The following PIBF1 variants were observed in gnomAD, a reference collection of about 807,000 sequenced individuals.
PIBF1 encodes the protein progesterone-induced-blocking factor 1.
Under a neutral mutation model 112.5 loss-of-function variants are expected in PIBF1, and 90 were observed. That is an observed-to-expected ratio of 0.80 (90% CI 0.67 to 0.95). The LOEUF (loss-of-function observed/expected upper bound fraction) is 0.95. PIBF1 is among the 40% of genes least tolerant of loss of function. The probability of loss-of-function intolerance (pLI) is 0.00; values close to 1 mark genes in which losing one functional copy is unlikely to be tolerated. For missense variants in PIBF1, 915 were observed against 852.3 expected (o/e 1.07, Z -0.92); for synonymous variants, 301 against 288.6 (o/e 1.04, Z -0.44).
chr13:72,827,625 A>C, intron 7 of PIBF1, 108 bp from the exon 8 acceptor site: 1 of 665,090 alleles, frequency 1.5e-6, no homozygotes, highest in Non-Finnish European at 2.3e-6. Context: ...TTTAAAAGGA[A>C]AATTTTCATG....
intron 12 of PIBF1, among the ~76,000 whole-genome samples, chr13:72,911,027 T>G (rs1163676061): frequency 6.6e-6 from 1 of 151,986 alleles, no homozygotes; most frequent in Non-Finnish European, 1.5e-5. Flanking sequence ...TTGAAAAAAG[T>G]TGAAGCCCTG....
At chr13:72,979,009 A>G (rs1397624982) in intron 16 of PIBF1, among the ~76,000 whole-genome samples, 2 of 152,170 alleles carry the variant, frequency 1.3e-5, no homozygotes, top group South Asian at 4.1e-4. Flanking sequence ...AGCCTGGACA[A>G]CCTAGGAAGA....
At chr13:72,786,884 A>C (rs1014027352) in intron 2 of PIBF1, among the ~76,000 whole-genome samples, 1 of 152,168 alleles carries the variant, frequency 6.6e-6, no homozygotes, top group African/African-American at 2.4e-5. Context: ...AGCCTTCCAT[A>C]ATTTATTGAA....
At chr13:72,936,013 T>TTTATTAA (rs2041863001) in intron 14 of PIBF1, among the ~76,000 whole-genome samples, 1 of 149,862 alleles carries the variant, frequency 6.7e-6, no homozygotes, top group Non-Finnish European at 1.5e-5. Flanking sequence ...TGTCTTTTTA[T>TTTATTAA]TTATTTATTT....
intron 10 of PIBF1, among the ~76,000 whole-genome samples, chr13:72,887,034 T>A (rs1174254067): frequency 6.6e-6 from 1 of 151,070 alleles, no homozygotes; most frequent in Admixed American, 6.6e-5. Flanking sequence ...TACTCTATAG[T>A]TTTTCTTTTT....
At position 72,959,467 on chromosome 13, in the gene PIBF1, G is replaced by C. The variant is rs570915373; in HGVS notation, c.1834-5807G>C. Among the ~76,000 whole-genome samples, 4 of 152,218 alleles carry C rather than the reference G, an allele frequency of 2.6e-5. No homozygotes were observed. The East Asian group carries it at 7.7e-4, about 29-fold the overall frequency. Reference sequence around the variant, plus strand: ...TCTGTACAAACTACCACCACTGCTAGAAAGTATCACTTGCATATATTTTAT... The same window carrying C: ...TCTGTACAAACTACCACCACTGCTACAAAGTATCACTTGCATATATTTTAT... On this transcript the variant is annotated intron_variant, in intron 14 of 17. Transcript: ENST00000326291.
intron 2 of PIBF1, among the ~76,000 whole-genome samples, chr13:72,788,653 G>A (rs2034729706): frequency 6.6e-6 from 1 of 152,202 alleles, no homozygotes; most frequent in Admixed American, 6.5e-5. Context: ...AGTTCTTCCA[G>A]AAGTTCAAGC....
At chr13:72,995,461 G>A (rs992488275) in intron 16 of PIBF1, among the ~76,000 whole-genome samples, 1 of 152,070 alleles carries the variant, frequency 6.6e-6, no homozygotes, top group Non-Finnish European at 1.5e-5. Flanking sequence ...TAGAAACAGA[G>A]TTTTAAAGTC....
chr13:72,819,942 C>T (rs905652611), intron 5 of PIBF1, among the ~76,000 whole-genome samples: 3 of 151,870 alleles, frequency 2.0e-5, no homozygotes, highest in Non-Finnish European at 2.9e-5. Context: ...TTTTGGGATC[C>T]CTGTTTTTTG....
intron 5 of PIBF1, among the ~76,000 whole-genome samples, chr13:72,820,378 C>T (rs932587106): frequency 1.3e-5 from 2 of 151,942 alleles, no homozygotes; most frequent in African/African-American, 4.8e-5. Flanking sequence ...GACTTAGGTC[C>T]GAAATGATAT....
intron 11 of PIBF1, among the ~76,000 whole-genome samples, chr13:72,894,968 A>C (rs746827998): frequency 2.3e-4 from 35 of 151,676 alleles, no homozygotes; most frequent in Non-Finnish European, 4.1e-4. Flanking sequence ...ACTACTAAAA[A>C]AATGTAAAAG....
At chr13:72,796,188 A>G (rs980619221) in intron 4 of PIBF1, among the ~76,000 whole-genome samples, 2 of 152,288 alleles carry the variant, frequency 1.3e-5, no homozygotes, top group South Asian at 2.1e-4. Context: ...ATAATGTCAT[A>G]TGTCATGTAG....
chr13:72,933,144 T>C (rs1385956803), intron 14 of PIBF1, among the ~76,000 whole-genome samples: 1 of 152,224 alleles, frequency 6.6e-6, no homozygotes, highest in Non-Finnish European at 1.5e-5. Flanking sequence ...AGATCCCTCA[T>C]GTTGCCTTTA....
At chr13:72,968,036 T>A (rs1392926310) in intron 15 of PIBF1, among the ~76,000 whole-genome samples, 2 of 151,604 alleles carry the variant, frequency 1.3e-5, no homozygotes, top group Non-Finnish European at 2.9e-5. Context: ...ATACAAAAAT[T>A]AGCCGGGCGT....
In PIBF1 at chr13:72,893,931, AT is replaced by A; in HGVS notation, c.1471del (p.Tyr491IlefsTer8). 6.2e-7 allele frequency: 1 copy of A among 1,600,536 alleles called. No individual in the cohort carries two copies. The highest frequency in any genetic ancestry group is 8.5e-7 in the Non-Finnish European group (1 of 1,174,072). ...CACAGTGTCAATTGGAATGTGAAAA[AT>A]ATCAGAAAAAATTGGAGGTACATGT... is the stretch of plus-strand genomic sequence containing the variant. ...LTQCQLECEK[Y>X]QKKLEVLTKE... On this transcript the variant is annotated frameshift_variant, in exon 11 of 18. Coordinates refer to ENST00000326291, the MANE Select transcript of PIBF1 (RefSeq NM_006346.4). LOFTEE classifies it high-confidence loss of function.
At chr13:72,851,693 AGAACG>A (rs1311921998) in intron 9 of PIBF1, among the ~76,000 whole-genome samples, 14 of 152,254 alleles carry the variant, frequency 9.2e-5, no homozygotes, top group Non-Finnish European at 1.8e-4. Flanking sequence ...CCAGTTTCAC[AGAACG>A]GAGTGAGAAC....
chr13:72,948,312 G>A (rs2042203680), intron 14 of PIBF1, among the ~76,000 whole-genome samples: 1 of 152,142 alleles, frequency 6.6e-6, no homozygotes, highest in Non-Finnish European at 1.5e-5. Flanking sequence ...TAAGGCAGCA[G>A]CAAAATGCCA....
intron 17 of PIBF1, among the ~76,000 whole-genome samples, chr13:73,006,778 G>A (rs1292808084): frequency 2.0e-5 from 3 of 151,842 alleles, no homozygotes; most frequent in African/African-American, 7.3e-5. Flanking sequence ...ATATATTAAC[G>A]TTTTAGCTGG....
At position 72,910,619 on chromosome 13, in the gene PIBF1, T is replaced by C. The variant is rs536571712; in HGVS notation, c.1639+1938T>C. ...TATTTTCATGATTTATATGACATATTAAGTGCTGTATTTGAATTCCTAACC... is the reference window on the plus strand; with the variant it reads ...TATTTTCATGATTTATATGACATATCAAGTGCTGTATTTGAATTCCTAACC... On this transcript the variant is annotated intron_variant, in intron 12 of 17. Transcript: ENST00000326291. Among the ~76,000 whole-genome samples the C allele has an allele frequency of 7.8e-4, 119 of 152,294 alleles. 2 individuals carry two copies. In the South Asian group the frequency reaches 0.024, roughly 31 times the overall value.
Sources: allele counts gnomAD v4.1 joint callset (sites outside exome capture counted in the v4.1 genomes callset), GRCh38; gene constraint gnomAD v4.1.1; transcripts MANE v1.5; gene names NCBI Gene and HGNC (gene_info 2026-07-23, HGNC 2026-07-21).